Variants in ARHGAP15 observed in about 807,000 individuals in gnomAD.
ARHGAP15 encodes the protein rho GTPase-activating protein 15.
In ARHGAP15, 51 loss-of-function variants were observed where a neutral mutation model predicts 63.7. The ratio of observed to expected loss-of-function variants is 0.80; its 90% confidence interval spans 0.64 to 1.01. The LOEUF is 1.01. ARHGAP15 is among the 50% of genes least tolerant of loss of function. ARHGAP15 has a pLI of 0.00. For missense variants in ARHGAP15, 560 were observed against 564.6 expected (o/e 0.99, Z 0.08); for synonymous variants, 191 against 193.8 (o/e 0.99, Z 0.12).
At position 143,380,422 on chromosome 2, in the gene ARHGAP15, A is replaced by G. The variant is rs13031052; in HGVS notation, c.475-55179A>G. On this transcript the variant is annotated intron_variant, in intron 6 of 13. Transcript: ENST00000295095. ...TGACTATAAAAGTGACTGTAAGTCC[A>G]GTTTGTTAGAGATAGTCCTGCTTTT... Among the ~76,000 whole-genome samples the G allele has an allele frequency of 1.5e-3, 236 of 152,288 alleles. 1 individual carries two copies. Among genetic ancestry groups the G allele is most frequent in the Middle Eastern group, 0.01 (3 of 294 alleles).
chr2:143,535,804 G>A (rs75152528), intron 10 of ARHGAP15, among the ~76,000 whole-genome samples: 1,922 of 152,226 alleles, frequency 0.013, 50 homozygotes, highest in African/African-American at 0.045. Flanking sequence ...TTTCATACAA[G>A]AGAAAACATG....
chr2:143,615,740 T>G (rs978584586), intron 11 of ARHGAP15, among the ~76,000 whole-genome samples: 3 of 152,176 alleles, frequency 2.0e-5, no homozygotes, highest in African/African-American at 7.2e-5. Flanking sequence ...GTGTTGAAAT[T>G]TAAAGCCACT....
chr2:143,436,786 A>AGG (rs1689631092), intron 7 of ARHGAP15, 127 bp from the exon 8 acceptor site: 1 of 853,000 alleles, frequency 1.2e-6, no homozygotes, highest in Non-Finnish European at 1.8e-6. Context: ...CTTAGCATAG[A>AGG]GGACCTATCC....
At chr2:143,668,769 C>G (rs1217182182) in intron 12 of ARHGAP15, among the ~76,000 whole-genome samples, 1 of 152,192 alleles carries the variant, frequency 6.6e-6, no homozygotes, top group African/African-American at 2.4e-5. Flanking sequence ...AGCTTTCCAT[C>G]TGAAGCTAAA....
intron 2 of ARHGAP15, among the ~76,000 whole-genome samples, chr2:143,174,217 G>A (rs1690918767): frequency 1.3e-5 from 2 of 152,008 alleles, no homozygotes; most frequent in Non-Finnish European, 2.9e-5. Context: ...AATTATTAAA[G>A]CTGTAACTGA....
intron 6 of ARHGAP15, among the ~76,000 whole-genome samples, chr2:143,382,610 G>A (rs565805800): frequency 1.3e-5 from 2 of 152,224 alleles, no homozygotes; most frequent in South Asian, 2.1e-4. Flanking sequence ...CTGAGGTACT[G>A]GGGGTTAGGA....
intron 8 of ARHGAP15, among the ~76,000 whole-genome samples, chr2:143,464,508 A>C (rs551927171): frequency 1.3e-5 from 2 of 152,142 alleles, no homozygotes; most frequent in African/African-American, 4.8e-5. Context: ...AAATAAATAA[A>C]TCCTCTGTAT....
intron 6 of ARHGAP15, among the ~76,000 whole-genome samples, chr2:143,284,434 T>C (rs539884477): frequency 2.6e-5 from 4 of 152,298 alleles, no homozygotes; most frequent in African/African-American, 7.2e-5. Context: ...CAATATGAAG[T>C]TTATATATGA....
At position 143,667,947 on chromosome 2, in the gene ARHGAP15, C is replaced by T. The variant is rs185935932; in HGVS notation, c.1139-35472C>T. The stretch of plus-strand genomic sequence containing the variant: ...AGGCTGCAGCGAGCTATGTTTGCAC[C>T]ACTGCACTCCAGCCTGGGTGACAGA... On this transcript the variant is annotated intron_variant, in intron 12 of 13. Transcript: ENST00000295095. Among the ~76,000 whole-genome samples the T allele has an allele frequency of 7.3e-4, 111 of 152,104 alleles. 1 individual carries two copies. The East Asian group carries it at 0.021, about 29-fold the overall frequency.
chr2:143,282,185 C>T (rs1681882890), intron 6 of ARHGAP15, among the ~76,000 whole-genome samples: 1 of 151,942 alleles, frequency 6.6e-6, no homozygotes, highest in African/African-American at 2.4e-5. Context: ...CTTTAATCTG[C>T]CCTCGTATGG....
chr2:143,695,750 C>T (rs1449966188), intron 12 of ARHGAP15, among the ~76,000 whole-genome samples: 4 of 151,970 alleles, frequency 2.6e-5, no homozygotes, highest in Admixed American at 6.6e-5. Context: ...TGCCTGTAGT[C>T]CCAGCTACTT....
chr2:143,690,550 G>A (rs1030849610), intron 12 of ARHGAP15, among the ~76,000 whole-genome samples: 2 of 152,156 alleles, frequency 1.3e-5, no homozygotes, highest in South Asian at 4.1e-4. Context: ...GGGCCTTTGA[G>A]CTTCTAAGAA....
intron 11 of ARHGAP15, among the ~76,000 whole-genome samples, chr2:143,601,282 C>T (rs2105192325): frequency 6.6e-6 from 1 of 152,226 alleles, no homozygotes; most frequent in East Asian, 1.9e-4. Flanking sequence ...ACTGATGTCT[C>T]TTCAAAATCT....
chr2:143,702,844 C>G (rs1684151390), intron 12 of ARHGAP15, among the ~76,000 whole-genome samples: 1 of 152,128 alleles, frequency 6.6e-6, no homozygotes, highest in African/African-American at 2.4e-5. Context: ...TCTCCTGTTT[C>G]TCCCTAATAA....
At chr2:143,677,799 T>C (rs569047520) in intron 12 of ARHGAP15, among the ~76,000 whole-genome samples, 21 of 152,324 alleles carry the variant, frequency 1.4e-4, no homozygotes, top group East Asian at 1.2e-3. Context: ...TAATATGTAG[T>C]ACCTGCATGC....
At chr2:143,753,298 C>CCA (rs1686451140) in intron 13 of ARHGAP15, among the ~76,000 whole-genome samples, 1 of 152,202 alleles carries the variant, frequency 6.6e-6, no homozygotes, top group Non-Finnish European at 1.5e-5. Flanking sequence ...GAAAGGAGAT[C>CCA]TAAGTGGCCC....
At chr2:143,664,319 TG>T (rs1574801237) in intron 12 of ARHGAP15, among the ~76,000 whole-genome samples, 2 of 151,150 alleles carry the variant, frequency 1.3e-5, no homozygotes. Flanking sequence ...GAATGACTAC[TG>T]GATACATAAC....
chr2:143,397,319 T>C (rs62172064), intron 6 of ARHGAP15, among the ~76,000 whole-genome samples: 993 of 81,836 alleles, frequency 0.012, 10 homozygotes, highest in Non-Finnish European at 0.021. Context: ...GATATGTATG[T>C]GTGTGTGTGT....
chr2:143,722,744 T>C (rs1360977991), intron 13 of ARHGAP15, among the ~76,000 whole-genome samples: 1 of 152,130 alleles, frequency 6.6e-6, no homozygotes, highest in Admixed American at 6.5e-5. Flanking sequence ...GGATGTTCCA[T>C]GGAGTGGCTG....
Sources: gnomAD v4.1 joint callset for allele counts (sites outside exome capture counted in the v4.1 genomes callset) on GRCh38, gnomAD v4.1.1 for gene constraint, MANE v1.5 for transcripts, NCBI Gene and HGNC (gene_info 2026-07-23, HGNC 2026-07-21) for gene names.